SOCS2: variants seen among roughly 807,000 people sequenced by gnomAD.
SOCS2 encodes suppressor of cytokine signaling 2.
SOCS2 carries 10 observed loss-of-function variants against 18.6 expected under a neutral mutation model. The observed-to-expected ratio is 0.54, with a 90% CI of 0.33 to 0.91. SOCS2 has a LOEUF of 0.91. Among genes scored for constraint, SOCS2 ranks in the 40% least tolerant of loss-of-function variants. SOCS2 has a pLI of 0.02. For synonymous variants in SOCS2, 104 were observed against 104.0 expected, an observed-to-expected ratio of 1.00 and a Z score of 0.00; for missense variants, 231 against 247.2, an observed-to-expected ratio of 0.93 and a Z score of 0.44.
intron 1 of SOCS2, 66 bp downstream of exon 1, chr12:93,573,102 C>A (rs757540291): frequency 2.0e-6 from 3 of 1,530,650 alleles, no homozygotes; most frequent in South Asian, 2.4e-5. Context: ...AGCTAGGAAG[C>A]GGGGTCGAGG....
chr12:93,625,806 T>C, the SOCS2 span, among the ~76,000 whole-genome samples: 1 of 152,020 alleles, frequency 6.6e-6, no homozygotes, highest in African/African-American at 2.4e-5. Flanking sequence ...TCATTACTAT[T>C]TTGTAAAAGG....
At chr12:93,614,368 TCTTTCTTTCTTTC>T in the SOCS2 span, among the ~76,000 whole-genome samples, 1 of 52,324 alleles carries the variant, frequency 1.9e-5, no homozygotes, top group South Asian at 8.1e-4. Flanking sequence ...TTTCCTTCTT[TCTTTCTTTCTTTC>T]TTTCTTTCTT....
At chr12:93,589,944 G>A in the SOCS2 span, among the ~76,000 whole-genome samples, 1 of 152,196 alleles carries the variant, frequency 6.6e-6, no homozygotes, top group Non-Finnish European at 1.5e-5. Context: ...GGTTGACAAA[G>A]TACTGGATTG....
downstream of SOCS2, among the ~76,000 whole-genome samples, chr12:93,577,258 A>G (rs1592834219): frequency 6.6e-6 from 1 of 152,188 alleles, no homozygotes; most frequent in East Asian, 1.9e-4. Context: ...TGTGCCATGA[A>G]ACCTATTGCC....
chr12:93,594,069 G>T, the SOCS2 span, among the ~76,000 whole-genome samples: 3 of 152,158 alleles, frequency 2.0e-5, no homozygotes, highest in African/African-American at 7.2e-5. Context: ...ACAACTGACA[G>T]GAAGCACCTG....
downstream of SOCS2, among the ~76,000 whole-genome samples, chr12:93,587,679 T>TAAAA (rs1015520754): frequency 1.1e-5 from 1 of 93,744 alleles, no homozygotes; most frequent in South Asian, 3.4e-4. Context: ...AGACTCTGTC[T>TAAAA]AAAAAAAAAA....
chr12:93,601,958 C>T, the SOCS2 span, among the ~76,000 whole-genome samples: 2 of 152,114 alleles, frequency 1.3e-5, no homozygotes. Context: ...AACCTTATAT[C>T]ACTTGCTGAT....
chr12:93,621,051 T>C, the SOCS2 span, among the ~76,000 whole-genome samples: 21 of 152,262 alleles, frequency 1.4e-4, no homozygotes, highest in East Asian at 3.3e-3. Context: ...ATGTAACATT[T>C]CACCATCTTC....
the SOCS2 span, among the ~76,000 whole-genome samples, chr12:93,614,463 C>CT: frequency 6.0e-5 from 5 of 83,010 alleles, no homozygotes; most frequent in South Asian, 4.0e-4. Context: ...TCCTTCCTTC[C>CT]TTCCTTCCTT....
At chr12:93,578,691 C>T (rs1020641801), downstream of SOCS2, among the ~76,000 whole-genome samples, 1 of 151,652 alleles carries the variant, frequency 6.6e-6, no homozygotes, top group East Asian at 1.9e-4. Flanking sequence ...CGCACACACA[C>T]ACACACACAC....
chr12:93,600,946 A>G, the SOCS2 span, among the ~76,000 whole-genome samples: 5 of 151,256 alleles, frequency 3.3e-5, no homozygotes, highest in African/African-American at 1.2e-4. Flanking sequence ...GCATCACCAC[A>G]CCTGACTAAT....
chr12:93,622,742 A>T, the SOCS2 span, among the ~76,000 whole-genome samples: 1 of 152,144 alleles, frequency 6.6e-6, no homozygotes. Flanking sequence ...GGCAAGGGGT[A>T]GTGAACAGGC....
the SOCS2 span, among the ~76,000 whole-genome samples, chr12:93,604,889 G>A: frequency 2.0e-5 from 3 of 151,710 alleles, no homozygotes; most frequent in South Asian, 6.2e-4. Flanking sequence ...TCAAACTCCT[G>A]GTTTCAAGCG....
upstream of SOCS2, chr12:93,571,905 C>G (rs1463458493): frequency 2.3e-6 from 1 of 434,032 alleles, no homozygotes; most frequent in Non-Finnish European, 4.6e-6. Flanking sequence ...CGGCCGCGGC[C>G]GAGGTCGAGG....
chr12:93,614,621 T>C, the SOCS2 span, among the ~76,000 whole-genome samples: 1 of 126,150 alleles, frequency 7.9e-6, no homozygotes, highest in Non-Finnish European at 1.7e-5. Flanking sequence ...CTTTCTTTCT[T>C]TCTTTCTTTC....
the SOCS2 span, among the ~76,000 whole-genome samples, chr12:93,610,849 G>A: frequency 1.2e-4 from 19 of 152,240 alleles, no homozygotes; most frequent in East Asian, 3.7e-3. Context: ...GAAACTATGA[G>A]CAATGAATTT....
At chr12:93,591,129 G>C in the SOCS2 span, among the ~76,000 whole-genome samples, 1 of 151,988 alleles carries the variant, frequency 6.6e-6, no homozygotes, top group African/African-American at 2.4e-5. Flanking sequence ...GGAAGAAGTA[G>C]TTACGTTACA....
At chr12:93,614,587 CTT>C in the SOCS2 span, among the ~76,000 whole-genome samples, 1 of 97,862 alleles carries the variant, frequency 1.0e-5, no homozygotes, top group Non-Finnish European at 1.9e-5. Context: ...TTCTTTCTTT[CTT>C]TCTTTCTTTC....
downstream of SOCS2, among the ~76,000 whole-genome samples, chr12:93,588,107 T>C (rs1036729710): frequency 5.3e-5 from 8 of 152,216 alleles, no homozygotes; most frequent in African/African-American, 1.9e-4. Context: ...AGCGTTATAC[T>C]GTCATTTTCA....
Sources: gnomAD v4.1 joint callset for allele counts (sites outside exome capture counted in the v4.1 genomes callset) on GRCh38, gnomAD v4.1.1 for gene constraint, MANE v1.5 for transcripts, NCBI Gene and HGNC (gene_info 2026-07-23, HGNC 2026-07-21) for gene names.